EDDM13: variants seen among roughly 807,000 people sequenced by gnomAD.
EDDM13 encodes the protein epididymal protein 13.
In EDDM13, 24 loss-of-function variants were observed where a neutral mutation model predicts 17.8. The observed-to-expected ratio is 1.35, with a 90% CI of 0.98 to 1.90. EDDM13 has a LOEUF of 1.90. Among genes scored for constraint, EDDM13 ranks in the 40% most tolerant of loss-of-function variants. The pLI is 0.00. For missense variants in EDDM13, 97 were observed against 100.8 expected, an observed-to-expected ratio of 0.96 and a Z score of 0.16; for synonymous variants, 31 against 37.5, an observed-to-expected ratio of 0.83 and a Z score of 0.63.
At chr19:56,304,566 G>C (rs1049842412) in intron 13 of EDDM13, among the ~76,000 whole-genome samples, 3 of 152,212 alleles carry the variant, frequency 2.0e-5, no homozygotes, top group Non-Finnish European at 4.4e-5. Context: ...GCTGCTTATG[G>C]GGATGAGGAG....
rs1452343575 is a variant in EDDM13 at position 56,302,103 on chromosome 19, G to A, written c.423+8G>A. On this transcript the variant is annotated splice_region_variant and intron_variant, in intron 13 of 14. Coordinates refer to ENST00000649256, the MANE Select transcript of EDDM13 (RefSeq NM_001354658.2). ...TACAACAAAGGGGACTGGGTAAGAA[G>A]AAGGCAGCACGGAGGGGAGGAGTGT... is the stretch of plus-strand genomic sequence containing the variant. 1.2e-5 allele frequency: 15 copies of A among 1,231,754 alleles called. No homozygotes were observed. The highest frequency in any genetic ancestry group is 1.6e-5 in the African/African-American group (1 of 64,334). 76.3% of individuals were successfully genotyped at this position (1,231,754 alleles called of 1,614,324 possible).
chr19:56,274,541 A>G (rs1600153286), intron 1 of EDDM13: 1 of 152,166 alleles, frequency 6.6e-6, no homozygotes, highest in Non-Finnish European at 1.5e-5. Flanking sequence ...ACTTGAGGAA[A>G]AGTCACAAAA....
intron 12 of EDDM13, among the ~76,000 whole-genome samples, chr19:56,300,153 A>G (rs535231545): frequency 3.3e-5 from 5 of 152,318 alleles, no homozygotes; most frequent in Admixed American, 2.0e-4. Context: ...ACCCAGGTAG[A>G]AGAGAAAGAA....
Position 56,274,275 on chromosome 19 carries a change from G to A in EDDM13, c.85+1356G>A, listed in dbSNP as rs565783535. On this transcript the variant is annotated intron_variant, in intron 1 of 14. Transcript: ENST00000649256. ...TCAAGACCAGCCTGGCCAACATGGC[G>A]AAACCCCATCTCTACTAAAAATACA... Among the ~76,000 whole-genome samples the A allele has an allele frequency of 4.1e-4, 62 of 152,088 alleles. 1 individual carries two copies. In the East Asian group the frequency reaches 0.011, roughly 26 times the overall value.
intron 9 of EDDM13, chr19:56,295,040 C>G (rs1214593877): frequency 6.6e-6 from 1 of 152,172 alleles, no homozygotes; most frequent in East Asian, 1.9e-4. Context: ...GAGGCAATGG[C>G]CAACGGGTAC....
chr19:56,309,394 G>A (rs967602483), intron 14 of EDDM13, among the ~76,000 whole-genome samples: 40 of 152,182 alleles, frequency 2.6e-4, no homozygotes, highest in Admixed American at 1.6e-3. Context: ...ACAACATGGC[G>A]AATGTAATGA....
chr19:56,282,051 T>G (rs1231346643), intron 3 of EDDM13, among the ~76,000 whole-genome samples: 1 of 152,184 alleles, frequency 6.6e-6, no homozygotes, highest in African/African-American at 2.4e-5. Context: ...TGCTCTAGAA[T>G]GTACACCTGG....
intron 12 of EDDM13, chr19:56,299,680 C>T (rs902612396): frequency 6.6e-6 from 1 of 152,192 alleles, no homozygotes; most frequent in African/African-American, 2.4e-5. Context: ...CTCCTGCACA[C>T]TTTAAATCAT....
intron 4 of EDDM13, 145 bp from the exon 5 acceptor site, chr19:56,284,053 C>T: frequency 2.8e-6 from 1 of 360,340 alleles, no homozygotes; most frequent in Non-Finnish European, 3.9e-6. Flanking sequence ...TTCTACTTCC[C>T]AATCTGTTCC....
chr19:56,278,022 T>A (rs1207660622), intron 2 of EDDM13, among the ~76,000 whole-genome samples: 1 of 152,218 alleles, frequency 6.6e-6, no homozygotes, highest in African/African-American at 2.4e-5. Flanking sequence ...TATTTTACAT[T>A]TTTGCAAATC....
intron 13 of EDDM13, among the ~76,000 whole-genome samples, chr19:56,302,603 CTTCCTCTCCCTCT>C (rs2040398658): frequency 1.0e-5 from 1 of 98,150 alleles, no homozygotes; most frequent in African/African-American, 3.9e-5. Flanking sequence ...TCTCCCTCTT[CTTCCTCTCCCTCT>C]TCCTCCCTCC....
intron 14 of EDDM13, among the ~76,000 whole-genome samples, chr19:56,309,775 C>A (rs117797618): frequency 6.6e-6 from 1 of 152,204 alleles, no homozygotes; most frequent in African/African-American, 2.4e-5. Flanking sequence ...AGCTCAGGCC[C>A]GGCGCCGGGA....
At position 56,285,030 on chromosome 19, in the gene EDDM13, T is replaced by C. The variant is rs1478361461; in HGVS notation, c.154+6T>C. The C allele has an allele frequency of 1.0e-6, 1 of 985,234 alleles. No homozygotes were observed. The highest frequency in any genetic ancestry group is 1.7e-5 in the African/African-American group (1 of 57,348). 61.0% of individuals were successfully genotyped at this position (985,234 alleles called of 1,614,324 possible). ...GAGCAGACTGTCACCGGATGGTAAG[T>C]GTCAGGATTGTATCTTTTAAACCTG... On this transcript the variant is annotated splice_donor_region_variant and intron_variant, in intron 6 of 14. Coordinates refer to ENST00000649256, the MANE Select transcript of EDDM13 (RefSeq NM_001354658.2).
intron 11 of EDDM13, 89 bp from the exon 12 acceptor site, chr19:56,297,416 T>C: frequency 3.4e-6 from 1 of 298,374 alleles, no homozygotes; most frequent in East Asian, 1.8e-4. Flanking sequence ...CCTCTTCCTC[T>C]TCCTCCCTCC....
At chr19:56,304,259 G>T (rs1310966679) in intron 13 of EDDM13, among the ~76,000 whole-genome samples, 1 of 152,208 alleles carries the variant, frequency 6.6e-6, no homozygotes, top group South Asian at 2.1e-4. Flanking sequence ...TTATGCGCTG[G>T]GTGTGAGGAA....
intron 12 of EDDM13, among the ~76,000 whole-genome samples, chr19:56,301,189 C>G (rs1265990639): frequency 6.6e-6 from 1 of 152,198 alleles, no homozygotes; most frequent in Admixed American, 6.5e-5. Flanking sequence ...AAAAGACTGG[C>G]TACTCCATAG....
intron 2 of EDDM13, among the ~76,000 whole-genome samples, chr19:56,276,631 G>A (rs1020185117): frequency 6.8e-4 from 103 of 151,850 alleles, no homozygotes; most frequent in African/African-American, 2.4e-3. Context: ...CTGCCTCCTG[G>A]GTTCAAGCGA....
chr19:56,302,150 G>A, intron 13 of EDDM13, 55 bp downstream of exon 13: 1 of 1,199,448 alleles, frequency 8.3e-7, no homozygotes, highest in Non-Finnish European at 1.0e-6. Context: ...GGAAAGAGGA[G>A]GGAAGTGGGG....
At chr19:56,291,804 G>A (rs764687698) in intron 9 of EDDM13, among the ~76,000 whole-genome samples, 9 of 152,034 alleles carry the variant, frequency 5.9e-5, no homozygotes, top group Non-Finnish European at 1.2e-4. Flanking sequence ...CAAATAGATG[G>A]GATGTCTCAT....
Sources: gnomAD v4.1 joint callset for allele counts (sites outside exome capture counted in the v4.1 genomes callset) on GRCh38, gnomAD v4.1.1 for gene constraint, MANE v1.5 for transcripts, NCBI Gene and HGNC (gene_info 2026-07-23, HGNC 2026-07-21) for gene names.